MCC: variants seen among roughly 807,000 people sequenced by gnomAD.
MCC encodes MCC regulator of Wnt signaling pathway.
Under a neutral mutation model 116.2 loss-of-function variants are expected in MCC, and 90 were observed. The ratio of observed to expected loss-of-function variants is 0.77; its 90% CI spans 0.65 to 0.92. The LOEUF is 0.92. MCC is among the 40% of genes least tolerant of loss of function. MCC has a pLI of 0.00. For synonymous variants in MCC, 578 were observed against 510.5 expected (o/e 1.13, Z -1.78); for missense variants, 1,516 against 1,312.2 (o/e 1.16, Z -2.40).
chr5:113,270,875 C>G (rs1314702519), intron 3 of MCC, among the ~76,000 whole-genome samples: 2 of 151,800 alleles, frequency 1.3e-5, no homozygotes, highest in Non-Finnish European at 2.9e-5. Flanking sequence ...AGAAAGATAA[C>G]TGCTTCACTT....
chr5:113,103,535 T>C (rs894930783), intron 7 of MCC, among the ~76,000 whole-genome samples: 1 of 152,276 alleles, frequency 6.6e-6, no homozygotes, highest in Non-Finnish European at 1.5e-5. Context: ...GTTACAAACA[T>C]GCATCGTGGT....
chr5:113,065,779 G>C (rs1286118309), intron 13 of MCC, among the ~76,000 whole-genome samples: 2 of 152,256 alleles, frequency 1.3e-5, no homozygotes, highest in Non-Finnish European at 2.9e-5. Context: ...CTGTGCAACA[G>C]CTCTATGGCA....
intron 3 of MCC, among the ~76,000 whole-genome samples, chr5:113,328,642 C>T (rs975635366): frequency 4.6e-5 from 7 of 152,202 alleles, no homozygotes; most frequent in African/African-American, 1.7e-4. Flanking sequence ...TGCTAATCCT[C>T]CTTGTTGTCT....
intron 3 of MCC, among the ~76,000 whole-genome samples, chr5:113,288,944 G>T (rs1430791871): frequency 1.3e-5 from 2 of 152,184 alleles, no homozygotes; most frequent in Admixed American, 1.3e-4. Context: ...CTTAGAAAAT[G>T]TGATTCAGAG....
chr5:113,469,540 C>G (rs932361685), intron 1 of MCC, among the ~76,000 whole-genome samples: 1 of 152,150 alleles, frequency 6.6e-6, no homozygotes, highest in Non-Finnish European at 1.5e-5. Flanking sequence ...GCACTGTGGT[C>G]TGAGAGACAG....
At chr5:113,069,419 A>C (rs1172217116) in intron 12 of MCC, among the ~76,000 whole-genome samples, 1 of 152,246 alleles carries the variant, frequency 6.6e-6, no homozygotes, top group African/African-American at 2.4e-5. Flanking sequence ...ACACAAGAGG[A>C]GGTGGAACAT....
At chr5:113,064,279 A>G (rs1213981452) in intron 13 of MCC, 112 bp from the exon 14 acceptor site, 6 of 1,011,790 alleles carry the variant, frequency 5.9e-6, no homozygotes, top group Non-Finnish European at 8.7e-6. Flanking sequence ...GCACTGTGGA[A>G]GGGAATTGGC....
At position 113,220,057 on chromosome 5, in the gene MCC, C is replaced by T. The variant is rs1270157856; in HGVS notation, c.628-68635G>A. 7.0e-4 allele frequency among the ~76,000 whole-genome samples: 56 copies of T among 79,580 alleles called. 6 individuals are homozygous for T. The highest frequency in any genetic ancestry group is 2.3e-3 in the East Asian group (4 of 1,724). The allele number at this position is 79,580 out of a possible 152,430, so 52.2% of individuals were successfully genotyped here. ...AACTTTGGAATCTGCATGTCAATTT[C>T]TTTTTCTTTTTTTTTTTTGAGACGG... On this transcript the variant is annotated intron_variant, in intron 3 of 18. Transcript: ENST00000408903.
rs369427884 is a variant in MCC, at chr5:113,401,176, G to A, written c.171-15964C>T. 3.3e-5 allele frequency among the ~76,000 whole-genome samples: 5 copies of A among 152,132 alleles called. No homozygotes were observed. In the East Asian group the frequency reaches 7.7e-4, roughly 23 times the overall value. ...GATCATTTCAGGTCACACTTTTTAT[G>A]GGAAAATTACACACTTAACACCATT... On this transcript the variant is annotated intron_variant, in intron 1 of 18. Transcript: ENST00000408903.
At chr5:113,290,261 G>C (rs1247636470) in intron 3 of MCC, among the ~76,000 whole-genome samples, 1 of 152,192 alleles carries the variant, frequency 6.6e-6, no homozygotes, top group East Asian at 1.9e-4. Flanking sequence ...TTTGAATGAA[G>C]ATCTAAGAAG....
intron 3 of MCC, among the ~76,000 whole-genome samples, chr5:113,241,180 G>C (rs140168016): frequency 6.6e-6 from 1 of 152,324 alleles, no homozygotes; most frequent in East Asian, 1.9e-4. Flanking sequence ...TCTTTTCTTA[G>C]GAGTATAACG....
intron 1 of MCC, among the ~76,000 whole-genome samples, chr5:113,419,018 A>G (rs1770240393): frequency 6.6e-6 from 1 of 152,230 alleles, no homozygotes; most frequent in African/African-American, 2.4e-5. Flanking sequence ...TTCATTGGGA[A>G]AAAGTTTGGC....
At chr5:113,181,070 A>T (rs1761604737) in intron 3 of MCC, among the ~76,000 whole-genome samples, 1 of 152,234 alleles carries the variant, frequency 6.6e-6, no homozygotes, top group African/African-American at 2.4e-5. Context: ...TTATATTGAG[A>T]CCAACACATC....
At chr5:113,088,050 A>G (rs1755327530) in intron 8 of MCC, among the ~76,000 whole-genome samples, 1 of 152,228 alleles carries the variant, frequency 6.6e-6, no homozygotes, top group Non-Finnish European at 1.5e-5. Flanking sequence ...CTAAATCTAA[A>G]TATCTACTTT....
intron 3 of MCC, among the ~76,000 whole-genome samples, chr5:113,195,857 C>T (rs1762379470): frequency 6.6e-6 from 1 of 152,108 alleles, no homozygotes; most frequent in African/African-American, 2.4e-5. Flanking sequence ...TCATCTGGCG[C>T]CTCCTCTCTC....
chr5:113,043,704 C>T (rs182218330), intron 16 of MCC, 74 bp from the exon 17 acceptor site: 46 of 1,064,564 alleles, frequency 4.3e-5, no homozygotes, highest in Non-Finnish European at 5.6e-5. Context: ...CAGCAGAGCG[C>T]GGTAGGTGGC....
At chr5:113,096,215 C>T (rs973841653) in intron 8 of MCC, among the ~76,000 whole-genome samples, 37 of 152,344 alleles carry the variant, frequency 2.4e-4, no homozygotes, top group Non-Finnish European at 4.4e-4. Context: ...CTCAGTTCAC[C>T]TGCAGAGGGG....
At position 113,027,176 on chromosome 5, in the gene MCC, C is replaced by A; in HGVS notation, c.*126G>T. On this transcript the variant is annotated 3_prime_UTR_variant, in exon 19 of 19. Transcript: ENST00000408903. The stretch of plus-strand genomic sequence containing the variant: ...GGTTGAGTTGGGGCACTCCATTGTC[C>A]AAGTGCCGACCTACCTGCCAGCCTT... 1 of 969,264 alleles carries A rather than the reference C, an allele frequency of 1.0e-6. No homozygotes were observed. The highest frequency in any genetic ancestry group is 1.5e-6 in the Non-Finnish European group (1 of 662,572). 60.0% of individuals were successfully genotyped at this position (969,264 alleles called of 1,614,324 possible).
At chr5:113,084,371 C>T (rs1032484179) in intron 9 of MCC, among the ~76,000 whole-genome samples, 181 bp from the exon 10 acceptor site, 2 of 152,232 alleles carry the variant, frequency 1.3e-5, no homozygotes, top group Admixed American at 6.5e-5. Flanking sequence ...AACTTCAGCA[C>T]TGCTGATATT....
Sources: gnomAD v4.1 joint callset for allele counts (sites outside exome capture counted in the v4.1 genomes callset) on GRCh38, gnomAD v4.1.1 for gene constraint, MANE v1.5 for transcripts, NCBI Gene and HGNC (gene_info 2026-07-23, HGNC 2026-07-21) for gene names.